TMEM208: variants seen among roughly 807,000 people sequenced by gnomAD.
TMEM208 encodes transmembrane protein 208, also known as SRP-independent targeting 2 homolog.
In TMEM208, 19 loss-of-function variants were observed where a neutral mutation model predicts 26.4. The observed-to-expected ratio is 0.72, with a 90% CI of 0.50 to 1.06. The LOEUF (loss-of-function observed/expected upper bound fraction) is 1.06, where lower values mean the gene tolerates loss of function less well. TMEM208 is among the 50% of genes least tolerant of loss of function. TMEM208 has a pLI of 0.00. For synonymous variants in TMEM208, 93 were observed against 83.1 expected (o/e 1.12, Z -0.65); for missense variants, 183 against 219.8 (o/e 0.83, Z 1.06).
chr16:67,227,548 GT>G, intron 1 of TMEM208: 8 of 555,452 alleles, frequency 1.4e-5, no homozygotes, highest in Admixed American at 3.5e-5. Context: ...TGGAAGAGTC[GT>G]TAGCCTAAAG....
Position 67,228,641 on chromosome 16 carries a change from C to G in TMEM208, c.299+10C>G, listed in dbSNP as rs1168625405. 2.8e-5 allele frequency: 43 copies of G among 1,552,422 alleles called. No homozygotes were observed. The highest frequency in any genetic ancestry group is 3.6e-5 in the Non-Finnish European group (41 of 1,147,840). On this transcript the variant is annotated intron_variant, in intron 4 of 5. Coordinates refer to ENST00000304800, the MANE Select transcript of TMEM208 (RefSeq NM_014187.4). ...AGCAGGGCATGGCAGAGTGAGTGTC[C>G]CCCACCGCCAGCCCAGGTGAGCGGC...
Position 67,227,186 on chromosome 16 carries a change from C to T in TMEM208, c.-33C>T, listed in dbSNP as rs770412103. 7 of 1,610,750 alleles carry T rather than the reference C, an allele frequency of 4.3e-6. No individual in the cohort carries two copies. Among genetic ancestry groups the T allele is most frequent in the East Asian group, 4.5e-5 (2 of 44,822 alleles). The stretch of plus-strand genomic sequence containing the variant: ...GTGATTGCGGTTTCGGTCGCTCTCC[C>T]GTGTTTCCCGGGCTGGGTATTTGCC... On this transcript the variant is annotated 5_prime_UTR_variant, in exon 1 of 6. Transcript: ENST00000304800.
Position 67,227,178 on chromosome 16 carries a change from C to A in TMEM208, c.-41C>A, listed in dbSNP as rs767552565. 3 of 1,609,560 alleles carry A rather than the reference C, an allele frequency of 1.9e-6. No homozygotes were observed. Among genetic ancestry groups the A allele is most frequent in the East Asian group, 2.2e-5 (1 of 44,808 alleles). ...GGTGCTTAGTGATTGCGGTTTCGGT[C>A]GCTCTCCCGTGTTTCCCGGGCTGGG... On this transcript the variant is annotated 5_prime_UTR_variant, in exon 1 of 6. Transcript: ENST00000304800.
chr16:67,228,589 T>G lies in TMEM208; in HGVS notation c.257T>G (p.Met86Arg), dbSNP rs754720437. Reference sequence around the variant, plus strand: ...GCGTTCTCTGAGGATGGGGCCCTGATGGATGGTGGCATGGACCTCAACATG... The same window carrying G: ...GCGTTCTCTGAGGATGGGGCCCTGAGGGATGGTGGCATGGACCTCAACATG... ...RAAFSEDGAL[M>R]DGGMDLNMEQ... The change falls in exon 4 of 6, where the codon ATG (methionine) becomes AGG (arginine). Residue 86 changes from methionine to arginine, a missense_variant. By Grantham distance (91) the Met-to-Arg change is moderately conservative (BLOSUM62 -1). Coordinates refer to ENST00000304800, the MANE Select transcript of TMEM208 (RefSeq NM_014187.4). 1.1e-5 allele frequency: 17 copies of G among 1,602,270 alleles called. No individual in the cohort carries two copies. Among genetic ancestry groups the G allele is most frequent in the Non-Finnish European group, 1.4e-5 (17 of 1,172,888 alleles).
intron 4 of TMEM208, 21 bp downstream of exon 4, chr16:67,228,652 G>C: frequency 6.5e-7 from 1 of 1,545,888 alleles, no homozygotes; most frequent in South Asian, 1.2e-5. Context: ...CCCACCGCCA[G>C]CCCAGGTGAG....
chr16:67,228,117 C>T lies in TMEM208; in HGVS notation c.102+186C>T, dbSNP rs149546674. 73 of 648,692 alleles carry T rather than the reference C, an allele frequency of 1.1e-4. No homozygotes were observed. The East Asian group carries it at 1.1e-3, about 10-fold the overall frequency. 40.2% of individuals were successfully genotyped at this position (648,692 alleles called of 1,614,324 possible). ...ACACAAAGAAAATGAAGGCGTGAGT[C>T]GTAGCTGAATTTGAGAGCTCTTCCT... On this transcript the variant is annotated intron_variant, in intron 2 of 5. Coordinates refer to ENST00000304800, the MANE Select transcript of TMEM208 (RefSeq NM_014187.4).
chr16:67,228,161 G>C (rs1312806986), intron 2 of TMEM208, 194 bp from the exon 3 acceptor site: 1 of 681,076 alleles, frequency 1.5e-6, no homozygotes, highest in African/African-American at 1.8e-5. Flanking sequence ...GTACACAAAG[G>C]CTTCTTTCCT....
At position 67,227,211 on chromosome 16, in the gene TMEM208, C is replaced by T. The variant is rs770052949; in HGVS notation, c.-8C>T. ...CGTGTTTCCCGGGCTGGGTATTTGC[C>T]TCGCACCATGGCGGTAAGGAGGATG... On this transcript the variant is annotated 5_prime_UTR_variant, in exon 1 of 6. Transcript: ENST00000304800. 8.1e-6 allele frequency: 13 copies of T among 1,612,200 alleles called. No homozygotes were observed. The African/African-American group carries it at 1.5e-4, about 18-fold the overall frequency.
chr16:67,228,227 C>G (rs1478968840), intron 2 of TMEM208, 128 bp from the exon 3 acceptor site: 17 of 1,080,272 alleles, frequency 1.6e-5, no homozygotes, highest in Non-Finnish European at 2.1e-5. Context: ...GAGCAGGGCC[C>G]TTTCTTCAAC....
At position 67,229,091 on chromosome 16, in the gene TMEM208, G is replaced by A. The variant is rs368458522; in HGVS notation, c.500G>A (p.Arg167Gln). 42 of 1,611,038 alleles carry A rather than the reference G, an allele frequency of 2.6e-5. No individual in the cohort carries two copies. Among genetic ancestry groups the A allele is most frequent in the South Asian group, 5.5e-5 (5 of 90,842 alleles). Residue 167 changes from arginine to glutamine, a missense_variant, in exon 6 of 6, where the codon CGG (arginine) becomes CAG (glutamine). Transcript: ENST00000304800. ...GAGAAACGGCAGCGCCGACAGGAGC[G>A]GCGGCAGATGAAGCGGTTATAGCCA... is the stretch of plus-strand genomic sequence containing the variant. ...HNEKRQRRQE[R>Q]RQMKRL
At chr16:67,228,757 G>A (rs764297306) in intron 4 of TMEM208, 40 bp from the exon 5 acceptor site, 2 of 1,589,486 alleles carry the variant, frequency 1.3e-6, no homozygotes, top group African/African-American at 1.4e-5. Context: ...AGGGTGGAAG[G>A]GCCCATATGC....
Position 67,227,145 on chromosome 16 carries a change from G to C in TMEM208, c.-74G>C. On this transcript the variant is annotated 5_prime_UTR_variant, in exon 1 of 6. Coordinates refer to ENST00000304800, the MANE Select transcript of TMEM208 (RefSeq NM_014187.4). Reference sequence around the variant, plus strand: ...GGTCTGCGCCGGAAGTGCATGAGCTGCCGATGTGGTGCTTAGTGATTGCGG... The same window carrying C: ...GGTCTGCGCCGGAAGTGCATGAGCTCCCGATGTGGTGCTTAGTGATTGCGG... 6.3e-7 allele frequency: 1 copy of C among 1,599,532 alleles called. No individual in the cohort carries two copies. The highest frequency in any genetic ancestry group is 1.1e-5 in the South Asian group (1 of 89,776).
chr16:67,228,237 C>G (rs1261697502), intron 2 of TMEM208, 118 bp from the exon 3 acceptor site: 8 of 1,175,836 alleles, frequency 6.8e-6, no homozygotes, highest in Non-Finnish European at 1.0e-5. Flanking sequence ...CTTTCTTCAA[C>G]CCTGTAAGAA....
rs531881988 is a variant in TMEM208 at position 67,227,542 on chromosome 16, A to G, written c.7-294A>G. On this transcript the variant is annotated intron_variant, in intron 1 of 5. Transcript: ENST00000304800. ...AACTCCGCTCAGGAGTACCCTTGGA[A>G]GAGTCGTTAGCCTAAAGCCAGACTA... is the stretch of plus-strand genomic sequence containing the variant. The G allele has an allele frequency of 2.1e-5, 12 of 558,674 alleles. No individual in the cohort carries two copies. In the East Asian group the frequency reaches 3.6e-4, roughly 17 times the overall value. 34.6% of individuals were successfully genotyped at this position (558,674 alleles called of 1,614,324 possible). A position where few individuals can be genotyped will look rare whatever the true frequency, so the allele number is the denominator to read the frequency against.
chr16:67,228,844 G>C lies in TMEM208; in HGVS notation c.347G>C (p.Ser116Thr). Reference protein sequence around the residue: ...ILLTAIVQVLSCFSLYVWSFW... With the variant: ...ILLTAIVQVLTCFSLYVWSFW... Reference sequence around the variant, plus strand: ...CTGACAGCCATCGTGCAGGTGCTCAGCTGCTTCTCTCTCTATGTCTGGTCC... The same window carrying C: ...CTGACAGCCATCGTGCAGGTGCTCACCTGCTTCTCTCTCTATGTCTGGTCC... Residue 116 changes from serine to threonine, a missense_variant, in exon 5 of 6, where the codon AGC becomes ACC. Physicochemically the swap from Ser to Thr is moderately conservative, Grantham distance 58. Transcript: ENST00000304800. The C allele has an allele frequency of 6.2e-7, 1 of 1,614,004 alleles. No individual in the cohort carries two copies. Among genetic ancestry groups the C allele is most frequent in the South Asian group, 1.1e-5 (1 of 91,090 alleles).
intron 2 of TMEM208, 56 bp from the exon 3 acceptor site, chr16:67,228,299 G>C: frequency 6.3e-7 from 1 of 1,587,082 alleles, no homozygotes. Context: ...AGTTGAGGGA[G>C]ACCCATGGTT....
Position 67,228,432 on chromosome 16 carries a change from G to C in TMEM208, c.162+18G>C. The stretch of plus-strand genomic sequence containing the variant: ...GGGCCTGGGTAAGTATCTCCATCCT[G>C]GGAGGTGGATGAGTGCGTAGGGTCA... On this transcript the variant is annotated intron_variant, in intron 3 of 5. Transcript: ENST00000304800. 3.1e-6 allele frequency: 5 copies of C among 1,613,952 alleles called. No homozygotes were observed. Among genetic ancestry groups the C allele is most frequent in the Non-Finnish European group, 4.2e-6 (5 of 1,179,870 alleles).
chr16:67,227,367 T>A, intron 1 of TMEM208, 143 bp downstream of exon 1: 12 of 1,248,800 alleles, frequency 9.6e-6, no homozygotes, highest in Non-Finnish European at 1.2e-5. Context: ...AGAGCTGGGC[T>A]GGGGGGATGG....
At chr16:67,227,357 A>G (rs1446387360) in intron 1 of TMEM208, 133 bp downstream of exon 1, 6 of 1,324,418 alleles carry the variant, frequency 4.5e-6, no homozygotes, top group Non-Finnish European at 6.3e-6. Context: ...AGACCGTGCT[A>G]GAGCTGGGCT....
Sources: allele counts gnomAD v4.1 joint callset, GRCh38; gene constraint gnomAD v4.1.1; transcripts MANE v1.5; gene names NCBI Gene and HGNC (gene_info 2026-07-23, HGNC 2026-07-21).